TRDN: variants seen among roughly 807,000 people sequenced by gnomAD.
TRDN encodes triadin in skeletal muscle.
A neutral mutation model predicts 149.7 loss-of-function variants in TRDN; 161 were observed. That is an observed-to-expected ratio of 1.08 (90% CI 0.95 to 1.23). The LOEUF is 1.23. Ranked by LOEUF, TRDN falls within the 50% of genes most tolerant of loss-of-function variation. TRDN has a pLI of 0.00. For missense variants in TRDN, 896 were observed against 823.5 expected (o/e 1.09, Z -1.08); for synonymous variants, 294 against 250.5 (o/e 1.17, Z -1.64).
At chr6:123,460,074 T>C (rs1776362985) in intron 10 of TRDN, among the ~76,000 whole-genome samples, 3 of 152,242 alleles carry the variant, frequency 2.0e-5, no homozygotes, top group South Asian at 2.1e-4. Flanking sequence ...ATTCATCCTT[T>C]CTATAGTTGA....
At chr6:123,274,464 TC>T (rs751970475) in intron 27 of TRDN, among the ~76,000 whole-genome samples, 176 bp downstream of exon 27, 4 of 152,122 alleles carry the variant, frequency 2.6e-5, no homozygotes, top group Non-Finnish European at 5.9e-5. Context: ...TAGGGAATAT[TC>T]CCATTCTCAC....
chr6:123,569,443 G>A (rs541569108), intron 2 of TRDN, among the ~76,000 whole-genome samples: 38 of 152,150 alleles, frequency 2.5e-4, no homozygotes, highest in Non-Finnish European at 5.4e-4. Context: ...ACATTTTCTG[G>A]TATCCTTATA....
rs1778921505 is a variant in TRDN, at chr6:123,506,345, T to G, written c.611-2444A>C. On this transcript the variant is annotated intron_variant, in intron 7 of 40. Coordinates refer to ENST00000334268, the MANE Select transcript of TRDN (RefSeq NM_006073.4). ...CCATGTTACAGCACTTTTCCAAAAA[T>G]TTATTCCTCTACTGGACTGCTTTCT... 1.3e-5 allele frequency among the ~76,000 whole-genome samples: 2 copies of G among 152,186 alleles called. 1 individual carries two copies. The highest frequency in any genetic ancestry group is 4.1e-4 in the South Asian group (2 of 4,832).
intron 38 of TRDN, among the ~76,000 whole-genome samples, chr6:123,224,857 T>A (rs1775298157): frequency 6.6e-6 from 1 of 151,720 alleles, no homozygotes; most frequent in Admixed American, 6.6e-5. Context: ...ATTTTATGAA[T>A]CTGACACTAA....
intron 14 of TRDN, among the ~76,000 whole-genome samples, chr6:123,387,720 G>A (rs1781960355): frequency 6.6e-6 from 1 of 152,128 alleles, no homozygotes. Context: ...AGACCAACAT[G>A]AGGTCACAAA....
rs9490718 is a variant in TRDN at position 123,262,858 on chromosome 6, A to T, written c.1805-2220T>A. On this transcript the variant is annotated intron_variant, in intron 33 of 40. Transcript: ENST00000334268. ...ACACCCATATAAGGTGGTAAAACTT[A>T]ATGAATGTGTGTATTGAGACTCTCA... is the stretch of plus-strand genomic sequence containing the variant. 7.9e-3 allele frequency among the ~76,000 whole-genome samples: 1,206 copies of T among 152,166 alleles called. 14 individuals are homozygous for T. Among genetic ancestry groups the T allele is most frequent in the African/African-American group, 0.028 (1,153 of 41,538 alleles).
chr6:123,321,966 C>A (rs1779258857), intron 23 of TRDN, among the ~76,000 whole-genome samples: 1 of 152,180 alleles, frequency 6.6e-6, no homozygotes, highest in African/African-American at 2.4e-5. Flanking sequence ...TGAGGTCACA[C>A]AGTGAACCAA....
intron 23 of TRDN, among the ~76,000 whole-genome samples, chr6:123,325,599 A>T (rs1779414813): frequency 6.6e-6 from 1 of 152,124 alleles, no homozygotes; most frequent in African/African-American, 2.4e-5. Flanking sequence ...GTTTCAAAAG[A>T]CAAAATAAAT....
rs74883193 is a variant in TRDN at position 123,333,918 on chromosome 6, T to G, written c.1421-1989A>C. ...GGGCCTATAAAGTGTTTAATGGTGC[T>G]GGGATATAAAGTGGAACTCTGTCAA... is the stretch of plus-strand genomic sequence containing the variant. On this transcript the variant is annotated intron_variant, in intron 22 of 40. Transcript: ENST00000334268. 3.1e-3 allele frequency among the ~76,000 whole-genome samples: 466 copies of G among 152,186 alleles called. 16 individuals carry two copies. In the East Asian group the frequency reaches 0.076, roughly 25 times the overall value.
chr6:123,457,251 T>C (rs188023003), intron 10 of TRDN, among the ~76,000 whole-genome samples: 1 of 152,222 alleles, frequency 6.6e-6, no homozygotes, highest in African/African-American at 2.4e-5. Context: ...TCCCGCATCA[T>C]GGGGGAACAT....
chr6:123,367,672 A>G (rs1040668864), intron 19 of TRDN, among the ~76,000 whole-genome samples: 2 of 152,218 alleles, frequency 1.3e-5, no homozygotes, highest in Non-Finnish European at 1.5e-5. Flanking sequence ...AAACTTAAGC[A>G]TGCATCAGGT....
chr6:123,380,955 A>C, intron 16 of TRDN, among the ~76,000 whole-genome samples: 1 of 152,126 alleles, frequency 6.6e-6, no homozygotes, highest in East Asian at 1.9e-4. Flanking sequence ...GGGCATGCCA[A>C]AATATCTACA....
At chr6:123,278,195 T>A in intron 26 of TRDN, 123 bp downstream of exon 26, 1 of 653,626 alleles carries the variant, frequency 1.5e-6, no homozygotes, top group South Asian at 2.4e-5. Context: ...AGTTTTTTTT[T>A]AAGTTGGTCA....
intron 21 of TRDN, among the ~76,000 whole-genome samples, chr6:123,339,264 CA>C (rs1340125063): frequency 1.4e-4 from 21 of 152,148 alleles, no homozygotes; most frequent in African/African-American, 4.8e-4. Context: ...CTCGGTCTCC[CA>C]AAGTGCTGGG....
At chr6:123,373,079 A>C (rs1048353594) in intron 19 of TRDN, among the ~76,000 whole-genome samples, 1 of 152,064 alleles carries the variant, frequency 6.6e-6, no homozygotes, top group Non-Finnish European at 1.5e-5. Context: ...AGTAATCTGA[A>C]AGGTTTTCAT....
At chr6:123,347,045 G>GGA (rs1780279985) in intron 21 of TRDN, among the ~76,000 whole-genome samples, 1 of 151,984 alleles carries the variant, frequency 6.6e-6, no homozygotes, top group Non-Finnish European at 1.5e-5. Context: ...ATTCTTGAAT[G>GGA]GAGAACGTGG....
chr6:123,290,043 C>T (rs1217831299), intron 24 of TRDN, among the ~76,000 whole-genome samples: 2 of 152,080 alleles, frequency 1.3e-5, no homozygotes, highest in Non-Finnish European at 2.9e-5. Flanking sequence ...GGAAAGTTTC[C>T]CACAGTGGCA....
chr6:123,399,964 T>C (rs1772890230), intron 12 of TRDN, among the ~76,000 whole-genome samples: 1 of 151,986 alleles, frequency 6.6e-6, no homozygotes, highest in South Asian at 2.1e-4. Context: ...ATGTGAATTC[T>C]ACTTAGAATT....
chr6:123,414,992 C>A (rs892507612), intron 12 of TRDN, among the ~76,000 whole-genome samples: 7 of 152,036 alleles, frequency 4.6e-5, no homozygotes, highest in Admixed American at 3.9e-4. Context: ...CTTTCTAATT[C>A]ATTCATTCAG....
Sources: allele counts gnomAD v4.1 joint callset (sites outside exome capture counted in the v4.1 genomes callset), GRCh38; gene constraint gnomAD v4.1.1; transcripts MANE v1.5; gene names NCBI Gene and HGNC (gene_info 2026-07-23, HGNC 2026-07-21).